The following PELI3 variants were observed in gnomAD, a reference collection of about 807,000 sequenced individuals.
PELI3 encodes pellino E3 ubiquitin protein ligase family member 3, also known as E3 ubiquitin-protein ligase pellino homolog 3.
In PELI3, 19 loss-of-function variants were observed where a neutral mutation model predicts 35.5. The ratio of observed to expected loss-of-function variants is 0.54; its 90% confidence interval spans 0.37 to 0.79. The LOEUF (loss-of-function observed/expected upper bound fraction) is 0.79, where lower values mean the gene tolerates loss of function less well. Ranked by LOEUF, PELI3 falls within the 30% of genes least tolerant of loss-of-function variation. PELI3 has a pLI of 0.00. For missense variants in PELI3, 490 were observed against 661.2 expected (o/e 0.74, Z 2.84); for synonymous variants, 262 against 279.2 (o/e 0.94, Z 0.62).
intron 3 of PELI3, 56 bp downstream of exon 3, chr11:66,468,960 G>A (rs57724777): frequency 0.21 from 146,845 of 684,234 alleles, 18,332 homozygotes; most frequent in Non-Finnish European, 0.24. Context: ...GGTCTAGTGC[G>A]CTTTCACTAA....
In PELI3 at chr11:66,468,286, C is replaced by T; in HGVS notation, c.152+6C>T. On this transcript the variant is annotated splice_donor_region_variant and intron_variant, in intron 2 of 7. Coordinates refer to ENST00000320740, the MANE Select transcript of PELI3 (RefSeq NM_145065.3). ...GGTGAACTCATCGTCCTGGGGTGAG[C>T]ATCCCTGGCCTAGAAGGGGTGAAGC... 1 of 1,474,768 alleles carries T rather than the reference C, an allele frequency of 6.8e-7. No homozygotes were observed. The highest frequency in any genetic ancestry group is 9.0e-7 in the Non-Finnish European group (1 of 1,105,592). 91.4% of individuals were successfully genotyped at this position (1,474,768 alleles called of 1,614,324 possible). A position where few individuals can be genotyped will look rare whatever the true frequency, so the allele number is the denominator to read the frequency against.
intron 7 of PELI3, 157 bp downstream of exon 7, chr11:66,474,082 C>A: frequency 1.0e-6 from 1 of 955,768 alleles, no homozygotes; most frequent in Non-Finnish European, 1.6e-6. Context: ...GGGTTCTTAG[C>A]ATGAGCCACT....
intron 5 of PELI3, among the ~76,000 whole-genome samples, chr11:66,472,752 AC>A (rs1854768183): frequency 6.6e-6 from 1 of 152,174 alleles, no homozygotes. Context: ...TCCATCACTT[AC>A]CACTGGGTGA....
Position 66,475,655 on chromosome 11 carries a change from A to G in PELI3, c.898A>G (p.Thr300Ala). 6.2e-7 allele frequency: 1 copy of G among 1,612,592 alleles called. No homozygotes were observed. Among genetic ancestry groups the G allele is most frequent in the Non-Finnish European group, 8.5e-7 (1 of 1,179,912 alleles). Residue 300 changes from threonine (T) to alanine (A), a missense_variant, in exon 8 of 8, where the codon ACA (threonine) becomes GCA (alanine). Thr to Ala is a moderately conservative substitution (Grantham distance 58, BLOSUM62 0). Transcript: ENST00000320740. ...CTCTCTCATCGACCTGTGTGGGGCC[A>G]CACTGCTGTGGCGCACACCGGCGGG... Reference protein sequence around the residue: ...DGSLIDLCGATLLWRTPAGLL... With the variant: ...DGSLIDLCGAALLWRTPAGLL...
In PELI3 at chr11:66,475,692, C is replaced by A; in HGVS notation, c.935C>A (p.Ala312Asp). ...LWRTPAGLLR[A>D]PTLKQLEAQR... Reference sequence around the variant, plus strand: ...CGCACACCGGCGGGGCTGCTGCGGGCTCCCACACTGAAGCAACTGGAGGCC... The same window carrying A: ...CGCACACCGGCGGGGCTGCTGCGGGATCCCACACTGAAGCAACTGGAGGCC... The change falls in exon 8 of 8, where the codon GCT becomes GAT. Residue 312 changes from alanine (A) to aspartate (D), a missense_variant. Ala to Asp is a moderately radical substitution (Grantham distance 126, BLOSUM62 -2). Around this residue, in one of 3 missense-constraint regions of PELI3, gnomAD observed 349 missense variants for 484.8 expected, o/e 0.72. Coordinates refer to ENST00000320740, the MANE Select transcript of PELI3 (RefSeq NM_145065.3). 6.2e-7 allele frequency: 1 copy of A among 1,612,412 alleles called. No homozygotes were observed. Among genetic ancestry groups the A allele is most frequent in the Non-Finnish European group, 8.5e-7 (1 of 1,179,832 alleles).
Position 66,476,119 on chromosome 11 carries a change from C to A in PELI3, c.1362C>A (p.Thr454=). The change falls in exon 8 of 8, where the codon ACC becomes ACA. Residue 454 remains threonine, a synonymous_variant. Transcript: ENST00000320740. ...GCCCCTTTTGCGGGGCCTGGCTTAC[C>A]GGCGAGCATGGCTGCGTCCGCCTCA... ...AACPFCGAWL[T]GEHGCVRLIF... is the part of the protein sequence containing the mutation. The A allele has an allele frequency of 6.3e-7, 1 of 1,589,996 alleles. No homozygotes were observed. The highest frequency in any genetic ancestry group is 1.1e-5 in the South Asian group (1 of 89,118).
In PELI3 at chr11:66,471,335, C is replaced by T. The variant is rs746589564; in HGVS notation, c.318C>T (p.Asp106=). The T allele has an allele frequency of 1.3e-5, 21 of 1,613,926 alleles. No homozygotes were observed. The highest frequency in any genetic ancestry group is 1.1e-4 in the African/African-American group (8 of 74,942). Residue 106 remains aspartate (D), a synonymous_variant, in exon 4 of 8, where the codon GAC becomes GAT. Coordinates refer to ENST00000320740, the MANE Select transcript of PELI3 (RefSeq NM_145065.3). ...CGCACGCCAACGGGGTGAAGCCAGACGTCATGCACCACATCTCCACGCCGC... is the reference window on the plus strand; with the variant it reads ...CGCACGCCAACGGGGTGAAGCCAGATGTCATGCACCACATCTCCACGCCGC... ...RRSHANGVKP[D]VMHHISTPLV... is the part of the protein sequence containing the mutation.
At position 66,475,825 on chromosome 11, in the gene PELI3, C is replaced by G; in HGVS notation, c.1068C>G (p.Pro356=). The part of the protein sequence containing the change: ...RGRTAPDKQQ[P]WVYVRCGHVH... ...GCACAGCGCCCGACAAACAGCAGCC[C>G]TGGGTCTACGTCCGCTGCGGGCACG... The change falls in exon 8 of 8, where the codon CCC becomes CCG. Residue 356 remains proline (P), a synonymous_variant. Transcript: ENST00000320740. 1 of 1,607,734 alleles carries G rather than the reference C, an allele frequency of 6.2e-7. No individual in the cohort carries two copies. Among genetic ancestry groups the G allele is most frequent in the Non-Finnish European group, 8.5e-7 (1 of 1,178,054 alleles).
At chr11:66,472,536 T>G in intron 5 of PELI3, 66 bp downstream of exon 5, 1 of 1,393,310 alleles carries the variant, frequency 7.2e-7, no homozygotes. Context: ...GCATTTCAGG[T>G]GAGGCTACGG....
intron 7 of PELI3, chr11:66,474,274 T>C (rs1165133900): frequency 5.1e-6 from 3 of 592,612 alleles, no homozygotes; most frequent in Non-Finnish European, 8.9e-6. Flanking sequence ...GGCCCATGTG[T>C]GAGCAGTTTA....
At position 66,473,632 on chromosome 11, in the gene PELI3, C is replaced by T. The variant is rs1854797978; in HGVS notation, c.652-105C>T. On this transcript the variant is annotated intron_variant, in intron 6 of 7. Coordinates refer to ENST00000320740, the MANE Select transcript of PELI3 (RefSeq NM_145065.3). The surrounding 1 kb of genome is among the most constrained non-coding windows in gnomAD (Gnocchi z 5.8). ...GTCATGCAGCTTCAATGCCAGTCCT[C>T]TCTGGGCCGCCTCTGAACTTGAAGG... 4 of 1,478,238 alleles carry T rather than the reference C, an allele frequency of 2.7e-6. No individual in the cohort carries two copies. Among genetic ancestry groups the T allele is most frequent in the Non-Finnish European group, 3.7e-6 (4 of 1,092,534 alleles). 91.6% of individuals were successfully genotyped at this position (1,478,238 alleles called of 1,614,324 possible).
chr11:66,468,183 C>T lies in PELI3; in HGVS notation c.55C>T (p.His19Tyr), dbSNP rs200681148. The T allele has an allele frequency of 3.0e-5, 49 of 1,608,154 alleles. No homozygotes were observed. The Admixed American group carries it at 7.9e-4, about 26-fold the overall frequency. ...VGSPRTSDLQ[H>Y]RGNKGSCVLS... is the part of the protein sequence containing the mutation. ...GTCCCCCCGAACCTCAGACCTCCAG[C>T]ACCGGGGGAACAAGGGCTCTTGCGT... The change falls in exon 2 of 8, where the codon CAC becomes TAC. Residue 19 changes from histidine to tyrosine, a missense_variant. Transcript: ENST00000320740.
At chr11:66,474,536 C>T (rs191296300) in intron 7 of PELI3, 97 of 161,110 alleles carry the variant, frequency 6.0e-4, no homozygotes, top group Non-Finnish European at 9.5e-4. Context: ...GGCATGAGCA[C>T]ATTGGCCAAG....
intron 3 of PELI3, 43 bp downstream of exon 3, chr11:66,468,947 C>T (rs906942124): frequency 1.4e-6 from 1 of 713,958 alleles, no homozygotes; most frequent in Non-Finnish European, 2.6e-6. Flanking sequence ...CTTTCTTACT[C>T]TAGGTCTAGT....
Position 66,475,793 on chromosome 11 carries a change from C to T in PELI3, c.1036C>T (p.Arg346Cys), listed in dbSNP as rs1262511011. Residue 346 changes from arginine (R) to cysteine (C), a missense_variant, in exon 8 of 8, where the codon CGT (arginine) becomes TGT (cysteine). By Grantham distance (180) the Arg-to-Cys change is radical. This residue lies in a region of PELI3 where 349 missense variants were observed against 484.8 expected (regional missense o/e 0.72). Transcript: ENST00000320740. ...LSTLAFPSPA[R>C]GRTAPDKQQP... ...CACTCTGGCCTTCCCCAGCCCAGCC[C>T]GTGGCCGCACAGCGCCCGACAAACA... 8 of 1,608,580 alleles carry T rather than the reference C, an allele frequency of 5.0e-6. No individual in the cohort carries two copies. Among genetic ancestry groups the T allele is most frequent in the African/African-American group, 1.3e-5 (1 of 74,834 alleles).
chr11:66,471,193 T>G (rs199613134), intron 3 of PELI3, 49 bp from the exon 4 acceptor site: 56 of 1,559,156 alleles, frequency 3.6e-5, no homozygotes, highest in Non-Finnish European at 4.8e-5. Context: ...TTTCTCTCTT[T>G]CTCTCTCTCC....
In PELI3 at chr11:66,471,314, C is replaced by T. The variant is rs754869276; in HGVS notation, c.297C>T (p.His99=). The T allele has an allele frequency of 2.0e-5, 33 of 1,613,892 alleles. No homozygotes were observed. Among genetic ancestry groups the T allele is most frequent in the South Asian group, 1.3e-4 (12 of 91,084 alleles). ...GCCTGGCACTGAGCCGCCGGTCGCA[C>T]GCCAACGGGGTGAAGCCAGACGTCA... ...RSRLALSRRS[H]ANGVKPDVMH... The change falls in exon 4 of 8, where the codon CAC becomes CAT. Residue 99 remains histidine (H), a synonymous_variant. Coordinates refer to ENST00000320740, the MANE Select transcript of PELI3 (RefSeq NM_145065.3).
chr11:66,471,319 A>G lies in PELI3; in HGVS notation c.302A>G (p.Asn101Ser). Reference sequence around the variant, plus strand: ...GCACTGAGCCGCCGGTCGCACGCCAACGGGGTGAAGCCAGACGTCATGCAC... The same window carrying G: ...GCACTGAGCCGCCGGTCGCACGCCAGCGGGGTGAAGCCAGACGTCATGCAC... ...RLALSRRSHANGVKPDVMHHI... is the reference protein window; with the variant it reads ...RLALSRRSHASGVKPDVMHHI... The change falls in exon 4 of 8, where the codon AAC (asparagine) becomes AGC (serine). Residue 101 changes from asparagine to serine, a missense_variant. Coordinates refer to ENST00000320740, the MANE Select transcript of PELI3 (RefSeq NM_145065.3). 3.7e-6 allele frequency: 6 copies of G among 1,614,018 alleles called. No homozygotes were observed. Among genetic ancestry groups the G allele is most frequent in the South Asian group, 2.2e-5 (2 of 91,080 alleles).
At chr11:66,470,099 C>G (rs1431202203) in intron 3 of PELI3, among the ~76,000 whole-genome samples, 2 of 152,162 alleles carry the variant, frequency 1.3e-5, no homozygotes, top group Non-Finnish European at 2.9e-5. Context: ...TGCGCCCGGC[C>G]TCATCTGGAT....
Sources: allele counts gnomAD v4.1 joint callset (sites outside exome capture counted in the v4.1 genomes callset), GRCh38; gene constraint gnomAD v4.1.1; regional missense constraint gnomAD v4.1.1; non-coding constraint Gnocchi (gnomAD v3.1); transcripts MANE v1.5; gene names NCBI Gene and HGNC (gene_info 2026-07-23, HGNC 2026-07-21).